The following PCDH9 variants were observed in gnomAD, a reference collection of about 807,000 sequenced individuals.
PCDH9 encodes protocadherin 9.
A neutral mutation model predicts 70.6 loss-of-function variants in PCDH9; 24 were observed. The ratio of observed to expected loss-of-function variants is 0.34; its 90% CI spans 0.25 to 0.48. PCDH9 has a LOEUF of 0.48. PCDH9 is among the 20% of genes least tolerant of loss of function. The probability of loss-of-function intolerance (pLI) is 0.99; values close to 1 mark genes in which losing one functional copy is unlikely to be tolerated. For synonymous variants in PCDH9, 562 were observed against 558.5 expected (o/e 1.01, Z -0.09); for missense variants, 1,281 against 1,503.6 (o/e 0.85, Z 2.45).
intron 3 of PCDH9, among the ~76,000 whole-genome samples, chr13:66,893,792 G>A (rs867850623): frequency 6.6e-6 from 1 of 151,872 alleles, no homozygotes; most frequent in Non-Finnish European, 1.5e-5. Flanking sequence ...AATTTTTCAC[G>A]TTGCCATTGT....
chr13:67,181,872 C>T (rs535410249), intron 2 of PCDH9, among the ~76,000 whole-genome samples: 1 of 152,294 alleles, frequency 6.6e-6, no homozygotes, highest in East Asian at 1.9e-4. Flanking sequence ...ACCCTCGTGC[C>T]TCCTCAGCAA....
chr13:67,174,963 CAAAAAA>C (rs376755966), intron 2 of PCDH9, among the ~76,000 whole-genome samples: 83,367 of 127,746 alleles, frequency 0.65, 27,027 homozygotes, highest in Non-Finnish European at 0.73. Context: ...TCATCTCTAC[CAAAAAA>C]AAAAAAAAAA....
chr13:66,965,540 C>T (rs895229840), intron 2 of PCDH9, among the ~76,000 whole-genome samples: 1 of 152,068 alleles, frequency 6.6e-6, no homozygotes, highest in African/African-American at 2.4e-5. Flanking sequence ...ACAACCAGCT[C>T]AAAGATTCCA....
intron 2 of PCDH9, among the ~76,000 whole-genome samples, chr13:67,149,625 T>C (rs2087609025): frequency 6.6e-6 from 1 of 152,166 alleles, no homozygotes; most frequent in Admixed American, 6.5e-5. Context: ...TGATTTTTTA[T>C]GATTACTAGT....
intron 3 of PCDH9, among the ~76,000 whole-genome samples, chr13:66,705,449 T>C (rs2078699156): frequency 6.6e-6 from 1 of 152,134 alleles, no homozygotes; most frequent in Non-Finnish European, 1.5e-5. Flanking sequence ...AATTACACAG[T>C]TTACTAGAGG....
At chr13:66,641,270 G>A (rs2077705276) in intron 3 of PCDH9, among the ~76,000 whole-genome samples, 1 of 152,046 alleles carries the variant, frequency 6.6e-6, no homozygotes, top group Non-Finnish European at 1.5e-5. Flanking sequence ...ATGTACCCCT[G>A]TAGCACAGCT....
chr13:67,129,133 G>T (rs1391520928), intron 2 of PCDH9, among the ~76,000 whole-genome samples: 4 of 152,046 alleles, frequency 2.6e-5, no homozygotes, highest in African/African-American at 7.2e-5. Flanking sequence ...TCTGTTTTAT[G>T]CTGAATATGT....
At chr13:66,785,221 G>C (rs2080060854) in intron 3 of PCDH9, among the ~76,000 whole-genome samples, 1 of 151,862 alleles carries the variant, frequency 6.6e-6, no homozygotes, top group Non-Finnish European at 1.5e-5. Context: ...TTGTAGGTTT[G>C]TCTAATGTTT....
chr13:66,763,509 C>A (rs2079660641), intron 3 of PCDH9, among the ~76,000 whole-genome samples: 1 of 152,048 alleles, frequency 6.6e-6, no homozygotes, highest in Non-Finnish European at 1.5e-5. Context: ...ATACCTGTAA[C>A]CACTACTCCA....
At chr13:66,927,767 C>T (rs1336755845) in intron 2 of PCDH9, among the ~76,000 whole-genome samples, 2 of 151,928 alleles carry the variant, frequency 1.3e-5, no homozygotes, top group Non-Finnish European at 2.9e-5. Context: ...GGATTAGGCC[C>T]CACTCCAGTG....
chr13:66,309,509 AT>A (rs1339624489), intron 4 of PCDH9, among the ~76,000 whole-genome samples: 1 of 151,998 alleles, frequency 6.6e-6, no homozygotes, highest in Non-Finnish European at 1.5e-5. Flanking sequence ...TGTTTTAAAA[AT>A]GTTATTAAAT....
chr13:67,059,369 T>TATATATATATATATATA (rs2085489145), intron 2 of PCDH9, among the ~76,000 whole-genome samples: 1 of 121,838 alleles, frequency 8.2e-6, no homozygotes, highest in South Asian at 3.1e-4. Context: ...ATATATAGTG[T>TATATATATATATATATA]GTATATATAT....
rs2088900927 is a variant in PCDH9, at chr13:67,191,180, A to G, written c.3036+34225T>C. Among the ~76,000 whole-genome samples, 3 of 152,180 alleles carry G rather than the reference A, an allele frequency of 2.0e-5. No homozygotes were observed. The South Asian group carries it at 6.2e-4, about 31-fold the overall frequency. On this transcript the variant is annotated intron_variant, in intron 2 of 4. Transcript: ENST00000377865. ...GAGCTTATAAGTTTTACTATAGGCTAAATTCTCATTCCACAAGTAATACAA... is the reference window on the plus strand; with the variant it reads ...GAGCTTATAAGTTTTACTATAGGCTGAATTCTCATTCCACAAGTAATACAA...
intron 2 of PCDH9, among the ~76,000 whole-genome samples, chr13:66,978,139 T>C (rs768487222): frequency 1.3e-5 from 2 of 152,168 alleles, no homozygotes; most frequent in Non-Finnish European, 2.9e-5. Context: ...AGGTTATTGA[T>C]AGTTTGTTAT....
chr13:66,445,532 A>ACATATATAATATATACACG (rs1958061729), intron 4 of PCDH9, among the ~76,000 whole-genome samples: 4 of 138,226 alleles, frequency 2.9e-5, no homozygotes, highest in African/African-American at 1.1e-4. Flanking sequence ...ATATATACAC[A>ACATATATAATATATACACG]TATATATTAT....
At chr13:67,216,747 C>T (rs2089616659) in intron 2 of PCDH9, 1 of 129,408 alleles carries the variant, frequency 7.7e-6, no homozygotes, top group Admixed American at 8.6e-5. Context: ...AATAATATTA[C>T]ATCACTTTAA....
At chr13:66,816,856 G>T (rs1594098055) in intron 3 of PCDH9, among the ~76,000 whole-genome samples, 2 of 148,416 alleles carry the variant, frequency 1.3e-5, no homozygotes, top group East Asian at 2.0e-4. Flanking sequence ...GTAAAACAAG[G>T]TTTTTTTTTT....
chr13:66,583,652 T>C (rs868731973), intron 4 of PCDH9, among the ~76,000 whole-genome samples: 1 of 152,108 alleles, frequency 6.6e-6, no homozygotes. Flanking sequence ...AAATAGTTTG[T>C]TATTTCTTGT....
intron 4 of PCDH9, among the ~76,000 whole-genome samples, chr13:66,403,662 A>C (rs541544794): frequency 1.1e-4 from 17 of 152,190 alleles, no homozygotes; most frequent in African/African-American, 4.1e-4. Context: ...TAAAACAGAA[A>C]ATTTTAGAAT....
Sources: gnomAD v4.1 joint callset for allele counts (sites outside exome capture counted in the v4.1 genomes callset) on GRCh38, gnomAD v4.1.1 for gene constraint, MANE v1.5 for transcripts, NCBI Gene and HGNC (gene_info 2026-07-23, HGNC 2026-07-21) for gene names.